KIF21A: variants seen among roughly 807,000 people sequenced by gnomAD.
KIF21A encodes the protein kinesin family member 21A.
KIF21A carries 114 observed loss-of-function variants against 202.9 expected under a neutral mutation model. That is an observed-to-expected ratio of 0.56 (90% confidence interval 0.48 to 0.66). The LOEUF (loss-of-function observed/expected upper bound fraction) is 0.66, where lower values mean the gene tolerates loss of function less well. Among genes scored for constraint, KIF21A ranks in the 30% least tolerant of loss-of-function variants. The pLI, the probability that KIF21A is intolerant of heterozygous loss-of-function variation, is 0.00. For synonymous variants in KIF21A, 667 were observed against 670.8 expected (o/e 0.99, Z 0.09); for missense variants, 1,677 against 1,994.9 (o/e 0.84, Z 3.04).
intron 1 of KIF21A, among the ~76,000 whole-genome samples, chr12:39,436,419 A>AT: frequency 1.1e-5 from 1 of 92,172 alleles, no homozygotes; most frequent in Non-Finnish European, 2.0e-5. Flanking sequence ...AGGGTTTACT[A>AT]TATTATATAT....
Position 39,366,608 on chromosome 12 carries a change from T to C in KIF21A, c.736-91A>G, listed in dbSNP as rs1330967583. ...CTTGCGCTTATCCCATGTACACATA[T>C]AGGCACAACCAAAGAAACAGGCATA... On this transcript the variant is annotated intron_variant, in intron 5 of 37. Transcript: ENST00000361418. 3.3e-6 allele frequency: 3 copies of C among 906,038 alleles called. No homozygotes were observed. The African/African-American group carries it at 5.0e-5, about 15-fold the overall frequency. The allele number at this position is 906,038 out of a possible 1,614,324, so 56.1% of individuals were successfully genotyped here. A position where few individuals can be genotyped will look rare whatever the true frequency, so the allele number is the denominator to read the frequency against.
chr12:39,361,717 A>G (rs750687325), intron 7 of KIF21A, among the ~76,000 whole-genome samples: 4 of 152,088 alleles, frequency 2.6e-5, no homozygotes, highest in African/African-American at 4.8e-5. Context: ...CGTGTTAGCC[A>G]GGATGGTCTT....
rs750669566 is a variant in KIF21A, at chr12:39,309,629, C to A, written c.4234G>T (p.Val1412Leu). The A allele has an allele frequency of 1.9e-6, 3 of 1,612,200 alleles. No individual in the cohort carries two copies. Among genetic ancestry groups the A allele is most frequent in the Admixed American group, 3.3e-5 (2 of 59,966 alleles). Residue 1412 changes from valine to leucine, a missense_variant, in exon 33 of 38, where the codon GTG becomes TTG. Transcript: ENST00000361418. ...VFTVSTSYIK[V>L]WDIRDSAKCI... is the part of the protein sequence containing the mutation. ...TTTGCTGAATCTCTGATATCCCACA[C>A]CTTAATATAAGATGTTGATACAGTG... is the stretch of plus-strand genomic sequence containing the variant.
chr12:39,380,083 T>A (rs1359183711), intron 1 of KIF21A, among the ~76,000 whole-genome samples: 2 of 152,228 alleles, frequency 1.3e-5, no homozygotes, highest in African/African-American at 4.8e-5. Context: ...TTCTCCTGCC[T>A]CAGCCTCCTG....
intron 17 of KIF21A, among the ~76,000 whole-genome samples, chr12:39,336,543 C>T (rs1375521972): frequency 6.6e-6 from 1 of 152,024 alleles, no homozygotes; most frequent in Non-Finnish European, 1.5e-5. Flanking sequence ...GTTGTTTTTA[C>T]TTTTTTCACA....
At chr12:39,396,109 A>C (rs893235475) in intron 1 of KIF21A, among the ~76,000 whole-genome samples, 1 of 152,122 alleles carries the variant, frequency 6.6e-6, no homozygotes, top group Non-Finnish European at 1.5e-5. Flanking sequence ...TGACCTCCGG[A>C]CCAGTGATTA....
Position 39,366,972 on chromosome 12 carries a change from C to G in KIF21A, c.735+58G>C. 4.1e-6 allele frequency: 6 copies of G among 1,458,086 alleles called. No individual in the cohort carries two copies. In the South Asian group the frequency reaches 6.8e-5, roughly 17 times the overall value. The allele number at this position is 1,458,086 out of a possible 1,614,324, so 90.3% of individuals were successfully genotyped here. On this transcript the variant is annotated intron_variant, in intron 5 of 37. Coordinates refer to ENST00000361418, the MANE Select transcript of KIF21A (RefSeq NM_001173464.2). ...GGCTCAAATATATTCTCAGAGAATTCATGTGGTTTTAGGGAGATAAAAATT... is the reference window on the plus strand; with the variant it reads ...GGCTCAAATATATTCTCAGAGAATTGATGTGGTTTTAGGGAGATAAAAATT...
At chr12:39,330,696 A>G in intron 23 of KIF21A, 50 bp downstream of exon 23, 1 of 1,570,814 alleles carries the variant, frequency 6.4e-7, no homozygotes, top group Non-Finnish European at 8.8e-7. Flanking sequence ...CATGTTCAAA[A>G]AGCAAAGCTA....
Position 39,356,870 on chromosome 12 carries a change from A to G in KIF21A, c.1431T>C (p.Asn477=). 1 of 1,300,362 alleles carries G rather than the reference A, an allele frequency of 7.7e-7. No individual in the cohort carries two copies. The highest frequency in any genetic ancestry group is 1.1e-6 in the Non-Finnish European group (1 of 897,704). The allele number at this position is 1,300,362 out of a possible 1,614,324, so 80.6% of individuals were successfully genotyped here. A position where few individuals can be genotyped will look rare whatever the true frequency, so the allele number is the denominator to read the frequency against. ...TTTCTTTTATATAACTATGAATCAT[A>G]TTACTAATCTCCTCATTTCCTTCAC... ...RAGEGNEEIS[N]MIHSYIKEIE... Residue 477 remains asparagine, a synonymous_variant, in exon 10 of 38, where the codon AAT becomes AAC. Coordinates refer to ENST00000361418, the MANE Select transcript of KIF21A (RefSeq NM_001173464.2).
intron 34 of KIF21A, among the ~76,000 whole-genome samples, chr12:39,305,150 G>A (rs2137204889): frequency 6.6e-6 from 1 of 151,902 alleles, no homozygotes; most frequent in Non-Finnish European, 1.5e-5. Flanking sequence ...CGTATCACCT[G>A]AGGCCAGGAG....
rs1944999019 is a variant in KIF21A at position 39,319,755 on chromosome 12, G to C, written c.3779+151C>G. 4.9e-6 allele frequency: 3 copies of C among 610,044 alleles called. No individual in the cohort carries two copies. The East Asian group carries it at 8.6e-5, about 18-fold the overall frequency. The allele number at this position is 610,044 out of a possible 1,614,324, so 37.8% of individuals were successfully genotyped here. A position where few individuals can be genotyped will look rare whatever the true frequency, so the allele number is the denominator to read the frequency against. ...CAAGAATATTAGACCACCGAGCCAAGCCAAAAGCTGACTTGACTGTCTTGA... is the reference window on the plus strand; with the variant it reads ...CAAGAATATTAGACCACCGAGCCAACCCAAAAGCTGACTTGACTGTCTTGA... On this transcript the variant is annotated intron_variant, in intron 28 of 37. Coordinates refer to ENST00000361418, the MANE Select transcript of KIF21A (RefSeq NM_001173464.2).
At chr12:39,377,258 G>T (rs1048003284) in intron 1 of KIF21A, among the ~76,000 whole-genome samples, 1 of 152,028 alleles carries the variant, frequency 6.6e-6, no homozygotes, top group African/African-American at 2.4e-5. Context: ...TATCTCATTT[G>T]TTGGTGTTTT....
intron 1 of KIF21A, among the ~76,000 whole-genome samples, chr12:39,434,268 CACTCTCAAGAAAATGAAACT>C (rs1938374141): frequency 1.3e-5 from 2 of 152,272 alleles, no homozygotes; most frequent in African/African-American, 4.8e-5. Flanking sequence ...ATAACAAAGC[CACTCTCAAGAAAATGAAACT>C]ACTCCCTCAA....
chr12:39,319,665 G>A (rs1427233469), intron 28 of KIF21A, among the ~76,000 whole-genome samples: 1 of 151,498 alleles, frequency 6.6e-6, no homozygotes, highest in Non-Finnish European at 1.5e-5. Flanking sequence ...CAAATAACTG[G>A]CAAGTAAGTA....
intron 1 of KIF21A, among the ~76,000 whole-genome samples, chr12:39,408,657 CA>C (rs962249992): frequency 6.6e-6 from 1 of 152,036 alleles, no homozygotes; most frequent in Non-Finnish European, 1.5e-5. Flanking sequence ...AGCTCAAAAA[CA>C]GATCAATAGA....
At chr12:39,392,911 A>C (rs564524010) in intron 1 of KIF21A, among the ~76,000 whole-genome samples, 21 of 148,650 alleles carry the variant, frequency 1.4e-4, no homozygotes, top group Non-Finnish European at 2.2e-4. Context: ...AAGATAATAA[A>C]ATAAAATAAA....
intron 17 of KIF21A, among the ~76,000 whole-genome samples, chr12:39,333,924 A>G (rs1380678952): frequency 6.6e-6 from 1 of 152,086 alleles, no homozygotes; most frequent in Non-Finnish European, 1.5e-5. Context: ...ACCAGAGGCC[A>G]GGAGTGGTTG....
At position 39,293,308 on chromosome 12, in the gene KIF21A, TA is replaced by T. The variant is rs200446633; in HGVS notation, c.*1115del. ...AATATTTTCAGGGGAAAAAATCACA[TA>T]AGACAATATTTTCAAATGTTATACC... is the stretch of plus-strand genomic sequence containing the variant. On this transcript the variant is annotated 3_prime_UTR_variant, in exon 38 of 38. Transcript: ENST00000361418. 2.0e-5 allele frequency: 3 copies of T among 152,398 alleles called. No individual in the cohort carries two copies. In the East Asian group the frequency reaches 5.8e-4, roughly 29 times the overall value. 9.4% of individuals were successfully genotyped at this position (152,398 alleles called of 1,614,324 possible).
chr12:39,368,534 C>T (rs1566001840), intron 3 of KIF21A, among the ~76,000 whole-genome samples: 1 of 152,068 alleles, frequency 6.6e-6, no homozygotes, highest in African/African-American at 2.4e-5. Flanking sequence ...AACCCAGATA[C>T]CTCCTTAGAA....
Sources: gnomAD v4.1 joint callset for allele counts (sites outside exome capture counted in the v4.1 genomes callset) on GRCh38, gnomAD v4.1.1 for gene constraint, MANE v1.5 for transcripts, NCBI Gene and HGNC (gene_info 2026-07-23, HGNC 2026-07-21) for gene names.